The following ZDHHC14 variants were observed in gnomAD, a reference collection of about 807,000 sequenced individuals.
ZDHHC14 encodes palmitoyltransferase ZDHHC14.
A neutral mutation model predicts 47.7 loss-of-function variants in ZDHHC14; 16 were observed. The observed-to-expected ratio is 0.34, with a 90% confidence interval of 0.23 to 0.51. The LOEUF (loss-of-function observed/expected upper bound fraction) is 0.51, where lower values mean the gene tolerates loss of function less well. Ranked by LOEUF, ZDHHC14 falls within the 20% of genes least tolerant of loss-of-function variation. ZDHHC14 has a pLI of 0.97. For missense variants in ZDHHC14, 515 were observed against 662.5 expected (o/e 0.78, Z 2.44); for synonymous variants, 293 against 278.9 (o/e 1.05, Z -0.50).
intron 1 of ZDHHC14, among the ~76,000 whole-genome samples, chr6:157,519,380 G>GAAAAAA (rs5881214): frequency 6.7e-6 from 1 of 148,860 alleles, no homozygotes; most frequent in African/African-American, 2.5e-5. Flanking sequence ...GCATTGCCTG[G>GAAAAAA]AAAAAAAAAA....
At chr6:157,549,343 A>G (rs1782126516) in intron 2 of ZDHHC14, among the ~76,000 whole-genome samples, 1 of 152,260 alleles carries the variant, frequency 6.6e-6, no homozygotes, top group South Asian at 2.1e-4. Flanking sequence ...TTTCCAGACA[A>G]TCTAACTCCC....
At chr6:157,395,393 T>C (rs1004703559) in intron 1 of ZDHHC14, among the ~76,000 whole-genome samples, 4 of 151,400 alleles carry the variant, frequency 2.6e-5, no homozygotes, top group Non-Finnish European at 4.4e-5. Context: ...CTCGAATTCC[T>C]GAGCTCAAGT....
chr6:157,635,642 C>T (rs933602471), intron 5 of ZDHHC14, among the ~76,000 whole-genome samples: 3 of 152,184 alleles, frequency 2.0e-5, no homozygotes, highest in East Asian at 1.9e-4. Context: ...TTTGAGAGCA[C>T]ACGTCTGCAC....
At chr6:157,483,035 C>A (rs770327448) in intron 1 of ZDHHC14, among the ~76,000 whole-genome samples, 3 of 152,174 alleles carry the variant, frequency 2.0e-5, no homozygotes, top group Non-Finnish European at 4.4e-5. Context: ...AGCCACCAGG[C>A]CTGGCCTTCA....
chr6:157,548,867 T>C (rs1483124320), intron 2 of ZDHHC14, among the ~76,000 whole-genome samples: 4 of 152,230 alleles, frequency 2.6e-5, no homozygotes, highest in Non-Finnish European at 2.9e-5. Context: ...GCTTTTACCA[T>C]GTGTCTGTGT....
intron 3 of ZDHHC14, among the ~76,000 whole-genome samples, chr6:157,617,394 A>G (rs1312299124): frequency 6.6e-6 from 1 of 152,100 alleles, no homozygotes; most frequent in Non-Finnish European, 1.5e-5. Flanking sequence ...TTCTTTTTGA[A>G]TTTTTTAAAA....
At chr6:157,640,504 C>T (rs879264939) in intron 5 of ZDHHC14, among the ~76,000 whole-genome samples, 2 of 152,172 alleles carry the variant, frequency 1.3e-5, no homozygotes, top group African/African-American at 4.8e-5. Context: ...ACTTGTCCAT[C>T]CTGATACCTG....
At chr6:157,489,810 C>A (rs574803654) in intron 1 of ZDHHC14, among the ~76,000 whole-genome samples, 14 of 152,258 alleles carry the variant, frequency 9.2e-5, no homozygotes, top group Admixed American at 7.2e-4. Flanking sequence ...ACTCTGTCAC[C>A]CAGGCTGGAG....
At chr6:157,545,013 A>G (rs1781916651) in intron 2 of ZDHHC14, among the ~76,000 whole-genome samples, 1 of 152,248 alleles carries the variant, frequency 6.6e-6, no homozygotes, top group Non-Finnish European at 1.5e-5. Flanking sequence ...ATTGGATTCC[A>G]TGAAGCAATA....
chr6:157,622,900 T>G (rs1039811169), intron 3 of ZDHHC14, among the ~76,000 whole-genome samples: 7 of 152,158 alleles, frequency 4.6e-5, no homozygotes, highest in Admixed American at 2.6e-4. Context: ...GGGTGTCTAC[T>G]GCATGCCAGG....
At chr6:157,628,745 T>G (rs1785540578) in intron 4 of ZDHHC14, 1 of 467,904 alleles carries the variant, frequency 2.1e-6, no homozygotes, top group Non-Finnish European at 3.8e-6. Context: ...AGGCTGCGCT[T>G]TCACCAAACA....
At chr6:157,569,021 A>T (rs1783007178) in intron 2 of ZDHHC14, among the ~76,000 whole-genome samples, 1 of 151,840 alleles carries the variant, frequency 6.6e-6, no homozygotes, top group Non-Finnish European at 1.5e-5. Flanking sequence ...ATATTTTTCT[A>T]CTTTATCATT....
chr6:157,645,883 T>G (rs766288566), intron 6 of ZDHHC14, 44 bp downstream of exon 6: 1 of 1,553,796 alleles, frequency 6.4e-7, no homozygotes, highest in Admixed American at 1.7e-5. Context: ...TCTTGGGTTT[T>G]GGGCAATGGA....
intron 3 of ZDHHC14, among the ~76,000 whole-genome samples, chr6:157,612,200 C>T (rs1562507749): frequency 6.6e-6 from 1 of 152,196 alleles, no homozygotes; most frequent in Non-Finnish European, 1.5e-5. Flanking sequence ...CATCCCTTTC[C>T]TTCTGTGCAC....
chr6:157,585,633 G>A (rs965021597), intron 2 of ZDHHC14, among the ~76,000 whole-genome samples: 2 of 152,214 alleles, frequency 1.3e-5, no homozygotes, highest in African/African-American at 4.8e-5. Context: ...AAGCCCCCTT[G>A]TTCCCATCTG....
intron 1 of ZDHHC14, among the ~76,000 whole-genome samples, chr6:157,435,690 C>T (rs895078466): frequency 1.5e-4 from 23 of 152,248 alleles, no homozygotes; most frequent in African/African-American, 5.5e-4. Context: ...CAAGTGTGTG[C>T]CCCCATGCCC....
In ZDHHC14 at chr6:157,670,269, C is replaced by T. The variant is rs370942778; in HGVS notation, c.1069-2455C>T. On this transcript the variant is annotated intron_variant, in intron 8 of 8. Transcript: ENST00000359775. ...AGTGGAAAGGATTGTTAACGCTTCA[C>T]AGTCAGCCCCTTCCAAGTACTTTTT... is the stretch of plus-strand genomic sequence containing the variant. 9.8e-5 allele frequency among the ~76,000 whole-genome samples: 15 copies of T among 152,318 alleles called. No homozygotes were observed. In the East Asian group the frequency reaches 2.1e-3, roughly 22 times the overall value.
intron 1 of ZDHHC14, among the ~76,000 whole-genome samples, chr6:157,445,810 G>A (rs555830006): frequency 5.1e-4 from 78 of 152,230 alleles, no homozygotes; most frequent in African/African-American, 1.7e-3. Context: ...AGAGAGGTTA[G>A]GATATAAGCC....
intron 1 of ZDHHC14, among the ~76,000 whole-genome samples, chr6:157,491,869 C>T (rs973130851): frequency 2.0e-5 from 3 of 152,214 alleles, no homozygotes; most frequent in Admixed American, 2.0e-4. Flanking sequence ...GCGATGCAAG[C>T]GTAATCCTAA....
Sources: gnomAD v4.1 joint callset for allele counts (sites outside exome capture counted in the v4.1 genomes callset) on GRCh38, gnomAD v4.1.1 for gene constraint, MANE v1.5 for transcripts, NCBI Gene and HGNC (gene_info 2026-07-23, HGNC 2026-07-21) for gene names.